TRMT5: variants seen among roughly 807,000 people sequenced by gnomAD.
The protein encoded by TRMT5 is tRNA methyltransferase 5.
A neutral mutation model predicts 42.2 loss-of-function variants in TRMT5; 31 were observed. The observed-to-expected ratio is 0.73, with a 90% CI of 0.55 to 0.99. The LOEUF (loss-of-function observed/expected upper bound fraction) is 0.99, where lower values mean the gene tolerates loss of function less well. TRMT5 is among the 50% of genes least tolerant of loss of function. The pLI is 0.00. For synonymous variants in TRMT5, 198 were observed against 209.6 expected, an observed-to-expected ratio of 0.94 and a Z score of 0.48; for missense variants, 568 against 595.0, an observed-to-expected ratio of 0.95 and a Z score of 0.47.
intron 1 of TRMT5, among the ~76,000 whole-genome samples, chr14:60,980,203 A>G (rs2036928233): frequency 6.6e-6 from 1 of 152,238 alleles, no homozygotes; most frequent in Non-Finnish European, 1.5e-5. Flanking sequence ...AGACTGAAGT[A>G]TGAGTTAAAT....
rs776816048 is a variant in TRMT5, at chr14:60,979,446, A to G, written c.452T>C (p.Phe151Ser). The G allele has an allele frequency of 1.5e-5, 25 of 1,614,034 alleles. 1 individual carries two copies. In the South Asian group the frequency reaches 2.6e-4, roughly 17 times the overall value. Reference protein sequence around the residue: ...DPYKIFTHDSFEKAELSVLEQ... With the variant: ...DPYKIFTHDSSEKAELSVLEQ... ...TAAAACACTGAGTTCTGCTTTCTCA[A>G]AGGAATCATGAGTAAATATTTTATA... Residue 151 changes from phenylalanine (F) to serine (S), a missense_variant, in exon 2 of 5, where the codon TTT becomes TCT. Transcript: ENST00000261249.
upstream of TRMT5, chr14:60,981,214 C>T (rs1048585739): frequency 1.3e-5 from 20 of 1,549,372 alleles, no homozygotes; most frequent in Admixed American, 1.2e-4. Context: ...GCGCGACCGA[C>T]GACTGGAGCG....
At position 60,972,466 on chromosome 14, in the gene TRMT5, T is replaced by TTGC; in HGVS notation, c.*2642_*2643insGCA. The stretch of plus-strand genomic sequence containing the variant: ...TCCCCTTCAGTCTTTCTCTTGGGCA[T>TTGC]GGCGGCGGCGGCGGCGGCGGGATGT... On this transcript the variant is annotated 3_prime_UTR_variant, in exon 5 of 5. Coordinates refer to ENST00000261249, the MANE Select transcript of TRMT5 (RefSeq NM_020810.3). 1 of 490,284 alleles carries TTGC rather than the reference T, an allele frequency of 2.0e-6. No homozygotes were observed. The highest frequency in any genetic ancestry group is 4.0e-6 in the Non-Finnish European group (1 of 247,730). The allele number at this position is 490,284 out of a possible 1,614,324, so 30.4% of individuals were successfully genotyped here.
rs1360722876 is a variant in TRMT5, at chr14:60,975,077, G to A, written c.*32C>T. ...ACAAATTCTATTTCACTACATGTAA[G>A]TCTGGTAGGGAGATGGAGAAAACAT... On this transcript the variant is annotated 3_prime_UTR_variant, in exon 5 of 5. Coordinates refer to ENST00000261249, the MANE Select transcript of TRMT5 (RefSeq NM_020810.3). 1.3e-6 allele frequency: 2 copies of A among 1,530,382 alleles called. No homozygotes were observed. The highest frequency in any genetic ancestry group is 2.4e-5 in the South Asian group (2 of 84,920). The allele number at this position is 1,530,382 out of a possible 1,614,324, so 94.8% of individuals were successfully genotyped here. A position where few individuals can be genotyped will look rare whatever the true frequency, so the allele number is the denominator to read the frequency against.
Position 60,972,253 on chromosome 14 carries a change from G to C in TRMT5, c.*2856C>G. ...TAAAAAATGCACACACTTCACTTGG[G>C]ATCTCCAGCACCTTCCCGCTCCTTG... On this transcript the variant is annotated 3_prime_UTR_variant, in exon 5 of 5. Coordinates refer to ENST00000261249, the MANE Select transcript of TRMT5 (RefSeq NM_020810.3). 5.7e-6 allele frequency: 3 copies of C among 529,306 alleles called. No individual in the cohort carries two copies. Among genetic ancestry groups the C allele is most frequent in the Non-Finnish European group, 1.1e-5 (3 of 265,710 alleles). 32.8% of individuals were successfully genotyped at this position (529,306 alleles called of 1,614,324 possible).
chr14:60,981,495 C>G (rs1464864912), upstream of TRMT5: 6 of 1,536,100 alleles, frequency 3.9e-6, no homozygotes, highest in Non-Finnish European at 5.2e-6. Flanking sequence ...GATGCTGGAG[C>G]CTGAACCCTG....
In TRMT5 at chr14:60,974,913, G is replaced by A. The variant is rs1232260880; in HGVS notation, c.*196C>T. 3 of 345,810 alleles carry A rather than the reference G, an allele frequency of 8.7e-6. No individual in the cohort carries two copies. Among genetic ancestry groups the A allele is most frequent in the East Asian group, 4.9e-5 (1 of 20,358 alleles). 21.4% of individuals were successfully genotyped at this position (345,810 alleles called of 1,614,324 possible). A position where few individuals can be genotyped will look rare whatever the true frequency, so the allele number is the denominator to read the frequency against. The stretch of plus-strand genomic sequence containing the variant: ...ATATTTTGTTATAAAATAATTGTAT[G>A]TTATAATTTAGATAACAGGGAATGT... On this transcript the variant is annotated 3_prime_UTR_variant, in exon 5 of 5. Coordinates refer to ENST00000261249, the MANE Select transcript of TRMT5 (RefSeq NM_020810.3).
rs533587235 is a variant in TRMT5 at position 60,972,333 on chromosome 14, G to C, written c.*2776C>G. The C allele has an allele frequency of 1.7e-5, 9 of 544,500 alleles. No individual in the cohort carries two copies. Among genetic ancestry groups the C allele is most frequent in the Non-Finnish European group, 3.3e-5 (9 of 271,180 alleles). The allele number at this position is 544,500 out of a possible 1,614,324, so 33.7% of individuals were successfully genotyped here. A position where few individuals can be genotyped will look rare whatever the true frequency, so the allele number is the denominator to read the frequency against. Reference sequence around the variant, plus strand: ...GGGTACCTTCTCTCCCTTCTTTGCAGGGGCCTTTTTAGGCTTGGGCTCTGG... The same window carrying C: ...GGGTACCTTCTCTCCCTTCTTTGCACGGGCCTTTTTAGGCTTGGGCTCTGG... On this transcript the variant is annotated 3_prime_UTR_variant, in exon 5 of 5. Coordinates refer to ENST00000261249, the MANE Select transcript of TRMT5 (RefSeq NM_020810.3).
chr14:60,975,413 T>A (rs1210642532), intron 4 of TRMT5, 62 bp downstream of exon 4: 3 of 1,558,950 alleles, frequency 1.9e-6, no homozygotes, highest in Non-Finnish European at 2.6e-6. Context: ...TTTGTAAAAC[T>A]GGGAGGAATT....
intron 1 of TRMT5, 132 bp from the exon 2 acceptor site, chr14:60,980,018 T>G: frequency 9.7e-7 from 1 of 1,029,164 alleles, no homozygotes; most frequent in Admixed American, 3.1e-5. Flanking sequence ...ATACTATCTT[T>G]TCCAGACTAG....
intron 2 of TRMT5, among the ~76,000 whole-genome samples, chr14:60,978,944 A>G (rs77160966): frequency 0.012 from 1,889 of 152,294 alleles, 23 homozygotes; most frequent in African/African-American, 0.043. Context: ...TGTACCAAAA[A>G]GATCTCTCCT....
intron 1 of TRMT5, 133 bp from the exon 2 acceptor site, chr14:60,980,019 TC>T: frequency 2.0e-6 from 2 of 1,020,840 alleles, no homozygotes; most frequent in Non-Finnish European, 1.4e-6. Context: ...TACTATCTTT[TC>T]CAGACTAGGA....
rs146619348 is a variant in TRMT5, at chr14:60,975,853, C to T, written c.1066G>A (p.Gly356Arg). ...DQKVKVFNLD[G>R]KDFLQGPVKE... ...ACTGGTCCTTGGAGGAAGTCTTTCC[C>T]ATCCAAGTTGAAGACTTTCACCTTT... Residue 356 changes from glycine to arginine, a missense_variant, in exon 4 of 5, where the codon GGG (glycine) becomes AGG (arginine). By Grantham distance (125) the Gly-to-Arg change is moderately radical. Coordinates refer to ENST00000261249, the MANE Select transcript of TRMT5 (RefSeq NM_020810.3). 26 of 1,614,062 alleles carry T rather than the reference C, an allele frequency of 1.6e-5. No homozygotes were observed. In the African/African-American group the frequency reaches 2.3e-4, roughly 14 times the overall value.
chr14:60,980,836 C>T (rs2139649045), intron 1 of TRMT5, 127 bp downstream of exon 1: 1 of 1,424,972 alleles, frequency 7.0e-7, no homozygotes, highest in Non-Finnish European at 9.8e-7. Flanking sequence ...CGAAACTAAG[C>T]TCAGCACCTA....
Position 60,981,058 on chromosome 14 carries a change from G to C in TRMT5, c.-85C>G, listed in dbSNP as rs778492520. ...CGGTACCGATCGGATGTGGGTCGCG[G>C]GTGGATGGGCGGGTCTTCTATGACA... On this transcript the variant is annotated 5_prime_UTR_variant, in exon 1 of 5. Coordinates refer to ENST00000261249, the MANE Select transcript of TRMT5 (RefSeq NM_020810.3). The C allele has an allele frequency of 1.2e-6, 2 of 1,607,832 alleles. No homozygotes were observed. Among genetic ancestry groups the C allele is most frequent in the Non-Finnish European group, 1.7e-6 (2 of 1,179,872 alleles).
chr14:60,981,016 C>T lies in TRMT5; in HGVS notation c.-43G>A, dbSNP rs376889973. The T allele has an allele frequency of 5.0e-6, 8 of 1,611,046 alleles. No homozygotes were observed. The African/African-American group carries it at 9.3e-5, about 19-fold the overall frequency. On this transcript the variant is annotated 5_prime_UTR_variant, in exon 1 of 5. Transcript: ENST00000261249. Reference sequence around the variant, plus strand: ...CTCTGCAGCTGGATCCGCGAGCCGACCCCTCACCTCCCGCTCCGGTACCGA... The same window carrying T: ...CTCTGCAGCTGGATCCGCGAGCCGATCCCTCACCTCCCGCTCCGGTACCGA...
At chr14:60,981,668 A>G (rs750823621), upstream of TRMT5, 9 of 1,409,564 alleles carry the variant, frequency 6.4e-6, no homozygotes, top group African/African-American at 8.5e-5. Context: ...GAGCGGCCCT[A>G]GGATTATGTA....
Position 60,972,106 on chromosome 14 carries a change from A to T in TRMT5, c.*3003T>A. On this transcript the variant is annotated 3_prime_UTR_variant, in exon 5 of 5. Coordinates refer to ENST00000261249, the MANE Select transcript of TRMT5 (RefSeq NM_020810.3). ...AGTGACACATACCCCTTCCCCCAAA[A>T]ACAACAATGAAGTGTTCTGTGTGCT... is the stretch of plus-strand genomic sequence containing the variant. 1 of 356,206 alleles carries T rather than the reference A, an allele frequency of 2.8e-6. No individual in the cohort carries two copies. The highest frequency in any genetic ancestry group is 5.4e-6 in the Non-Finnish European group (1 of 183,904). The allele number at this position is 356,206 out of a possible 1,614,324, so 22.1% of individuals were successfully genotyped here.
chr14:60,975,254 A>C, intron 4 of TRMT5, 60 bp from the exon 5 acceptor site: 4 of 1,457,500 alleles, frequency 2.7e-6, no homozygotes. Flanking sequence ...AATACTCTTA[A>C]AAAAACAAAC....
Sources: gnomAD v4.1 joint callset for allele counts (sites outside exome capture counted in the v4.1 genomes callset) on GRCh38, gnomAD v4.1.1 for gene constraint, MANE v1.5 for transcripts, NCBI Gene and HGNC (gene_info 2026-07-23, HGNC 2026-07-21) for gene names.